The following ANKS1B variants were observed in gnomAD, a reference collection of about 807,000 sequenced individuals.
The protein encoded by ANKS1B is ankyrin repeat and sterile alpha motif domain-containing protein 1B.
A neutral mutation model predicts 148.3 loss-of-function variants in ANKS1B; 36 were observed. The ratio of observed to expected loss-of-function variants is 0.24; its 90% CI spans 0.19 to 0.32. The LOEUF is 0.32. ANKS1B is among the 10% of genes least tolerant of loss of function. The pLI, the probability that ANKS1B is intolerant of heterozygous loss-of-function variation, is 1.00. For synonymous variants in ANKS1B, 542 were observed against 560.8 expected, an observed-to-expected ratio of 0.97 and a Z score of 0.47; for missense variants, 1,157 against 1,542.6, an observed-to-expected ratio of 0.75 and a Z score of 4.19.
rs1194281896 is a variant in ANKS1B, at chr12:99,407,719, G to GA, written c.1576-7909dup. On this transcript the variant is annotated intron_variant, in intron 11 of 26. Coordinates refer to ENST00000683438, the MANE Select transcript of ANKS1B (RefSeq NM_001352186.2). ...TCTATATGCCAACAGTGAATAATCA[G>GA]AAAAAATAGAACAAAGAAGTCTCAT... is the stretch of plus-strand genomic sequence containing the variant. Among the ~76,000 whole-genome samples, 5 of 145,280 alleles carry GA rather than the reference G, an allele frequency of 3.4e-5. 1 individual carries two copies. The highest frequency in any genetic ancestry group is 1.0e-4 in the African/African-American group (4 of 38,390).
chr12:99,697,310 T>A (rs572851149), intron 8 of ANKS1B, among the ~76,000 whole-genome samples: 2 of 152,136 alleles, frequency 1.3e-5, no homozygotes. Flanking sequence ...TTATTCATAA[T>A]TACCCAAACT....
At chr12:99,281,041 C>G (rs1233164691) in intron 12 of ANKS1B, among the ~76,000 whole-genome samples, 2 of 152,216 alleles carry the variant, frequency 1.3e-5, no homozygotes, top group Non-Finnish European at 2.9e-5. Flanking sequence ...AATCCTTGCT[C>G]TCTTCTCTCA....
intron 15 of ANKS1B, among the ~76,000 whole-genome samples, chr12:99,104,093 G>A (rs2058619612): frequency 6.6e-6 from 1 of 152,154 alleles, no homozygotes; most frequent in Non-Finnish European, 1.5e-5. Context: ...TAATAGATAT[G>A]TGTTTTGAAA....
chr12:98,879,497 T>G (rs929619201), intron 17 of ANKS1B, among the ~76,000 whole-genome samples: 3 of 152,232 alleles, frequency 2.0e-5, no homozygotes, highest in African/African-American at 7.2e-5. Flanking sequence ...GCAGCTTGTC[T>G]TATGTATTTT....
chr12:99,003,697 C>G (rs1326182427), intron 17 of ANKS1B, among the ~76,000 whole-genome samples: 1 of 152,194 alleles, frequency 6.6e-6, no homozygotes. Flanking sequence ...CACAGAACAA[C>G]TAGCACCACT....
At chr12:99,464,641 G>T (rs965136272) in intron 10 of ANKS1B, among the ~76,000 whole-genome samples, 6 of 152,188 alleles carry the variant, frequency 3.9e-5, no homozygotes, top group African/African-American at 1.2e-4. Flanking sequence ...ACTACGTGAA[G>T]AATGCAGAAG....
chr12:99,587,107 T>C (rs1482950065), intron 9 of ANKS1B, among the ~76,000 whole-genome samples: 2 of 152,098 alleles, frequency 1.3e-5, no homozygotes, highest in South Asian at 2.1e-4. Context: ...ATAAAGCAAA[T>C]GGCAGAGCAG....
At chr12:99,977,329 TTA>T (rs2153847419) in intron 1 of ANKS1B, among the ~76,000 whole-genome samples, 1 of 152,274 alleles carries the variant, frequency 6.6e-6, no homozygotes, top group African/African-American at 2.4e-5. Flanking sequence ...GTTTTGTTTT[TTA>T]TAGAGACAGG....
At chr12:99,935,030 C>A (rs2094724298) in intron 1 of ANKS1B, among the ~76,000 whole-genome samples, 2 of 151,150 alleles carry the variant, frequency 1.3e-5, no homozygotes, top group South Asian at 4.2e-4. Flanking sequence ...ATATACAGTC[C>A]TTTCTATTCC....
At chr12:98,997,405 T>A (rs2099930325) in intron 17 of ANKS1B, among the ~76,000 whole-genome samples, 1 of 75,216 alleles carries the variant, frequency 1.3e-5, no homozygotes, top group South Asian at 3.1e-4. Flanking sequence ...GTGTTTGCAA[T>A]TTTTTTTTTT....
At chr12:99,742,060 A>G (rs181662681) in intron 8 of ANKS1B, among the ~76,000 whole-genome samples, 1 of 152,206 alleles carries the variant, frequency 6.6e-6, no homozygotes, top group East Asian at 1.9e-4. Context: ...ATGAGAACAC[A>G]TGGACACATA....
chr12:99,705,474 G>A (rs946347879), intron 8 of ANKS1B, among the ~76,000 whole-genome samples: 4 of 151,998 alleles, frequency 2.6e-5, no homozygotes, highest in Non-Finnish European at 5.9e-5. Flanking sequence ...CCAACTAAAC[G>A]GACCAATGGA....
chr12:98,745,985 G>C (rs2097878460), intron 26 of ANKS1B, 136 bp from the exon 27 acceptor site: 2 of 890,576 alleles, frequency 2.2e-6, no homozygotes, highest in Non-Finnish European at 3.2e-6. Context: ...GGCGGCTCGC[G>C]GGCTCGCTCT....
At chr12:99,223,733 C>A (rs1266971381) in intron 14 of ANKS1B, among the ~76,000 whole-genome samples, 1 of 152,178 alleles carries the variant, frequency 6.6e-6, no homozygotes, top group Non-Finnish European at 1.5e-5. Flanking sequence ...ATGACCTTGA[C>A]AGCAGTATAG....
At chr12:99,504,711 A>G in intron 9 of ANKS1B, 70 bp from the exon 10 acceptor site, 1 of 1,196,918 alleles carries the variant, frequency 8.4e-7, no homozygotes, top group Non-Finnish European at 1.1e-6. Flanking sequence ...TAAAAACTAG[A>G]AAAGATAATC....
At chr12:99,075,662 T>C (rs2047604294) in intron 16 of ANKS1B, among the ~76,000 whole-genome samples, 1 of 152,016 alleles carries the variant, frequency 6.6e-6, no homozygotes, top group Non-Finnish European at 1.5e-5. Context: ...AAAAAGGTGA[T>C]CTTTTACAGT....
At chr12:99,890,829 G>A (rs2093064452) in intron 1 of ANKS1B, among the ~76,000 whole-genome samples, 1 of 152,046 alleles carries the variant, frequency 6.6e-6, no homozygotes, top group African/African-American at 2.4e-5. Flanking sequence ...GCTGTGGAGA[G>A]CAAGCAGTAC....
intron 1 of ANKS1B, among the ~76,000 whole-genome samples, chr12:99,877,821 C>A (rs1418540708): frequency 6.6e-6 from 1 of 152,116 alleles, no homozygotes; most frequent in African/African-American, 2.4e-5. Context: ...CTTTGGGAGG[C>A]CAAGGTGAGT....
At chr12:98,983,101 G>A (rs1204405158) in intron 17 of ANKS1B, among the ~76,000 whole-genome samples, 1 of 152,160 alleles carries the variant, frequency 6.6e-6, no homozygotes, top group African/African-American at 2.4e-5. Context: ...CCACATATTA[G>A]ATCATAGCTC....
Sources: allele counts gnomAD v4.1 joint callset (sites outside exome capture counted in the v4.1 genomes callset), GRCh38; gene constraint gnomAD v4.1.1; transcripts MANE v1.5; gene names NCBI Gene and HGNC (gene_info 2026-07-23, HGNC 2026-07-21).